Variants in TMEM117 observed in about 807,000 individuals in gnomAD.
TMEM117 encodes the protein transmembrane protein 117.
A neutral mutation model predicts 52.4 loss-of-function variants in TMEM117; 27 were observed. That is an observed-to-expected ratio of 0.51 (90% CI 0.38 to 0.71). TMEM117 has a LOEUF of 0.71. TMEM117 is among the 30% of genes least tolerant of loss of function. The pLI, the probability that TMEM117 is intolerant of heterozygous loss-of-function variation, is 0.00. For missense variants in TMEM117, 556 were observed against 630.5 expected (o/e 0.88, Z 1.26); for synonymous variants, 215 against 206.3 (o/e 1.04, Z -0.36).
At chr12:44,130,659 A>G (rs1948399605) in intron 3 of TMEM117, among the ~76,000 whole-genome samples, 1 of 151,890 alleles carries the variant, frequency 6.6e-6, no homozygotes, top group Non-Finnish European at 1.5e-5. Context: ...CTGGGCCTGG[A>G]TTTTTCTTGT....
intron 6 of TMEM117, among the ~76,000 whole-genome samples, chr12:44,323,416 T>C (rs897676381): frequency 2.6e-5 from 4 of 151,588 alleles, no homozygotes; most frequent in South Asian, 4.1e-4. Context: ...TATTGCTCTT[T>C]TTTTATTATT....
chr12:44,021,946 C>A (rs1946462343), intron 3 of TMEM117, among the ~76,000 whole-genome samples: 1 of 152,160 alleles, frequency 6.6e-6, no homozygotes, highest in African/African-American at 2.4e-5. Context: ...TGGTCAACCC[C>A]CAAATCCTTG....
rs1278393580 is a variant in TMEM117, at chr12:44,073,092, C to CA, written c.411-70422dup. Among the ~76,000 whole-genome samples the CA allele has an allele frequency of 4.9e-3, 672 of 136,378 alleles. 5 individuals carry two copies. The highest frequency in any genetic ancestry group is 0.013 in the South Asian group (54 of 4,160). 89.5% of individuals were successfully genotyped at this position (136,378 alleles called of 152,430 possible). A position where few individuals can be genotyped will look rare whatever the true frequency, so the allele number is the denominator to read the frequency against. On this transcript the variant is annotated intron_variant, in intron 3 of 7. Coordinates refer to ENST00000266534, the MANE Select transcript of TMEM117 (RefSeq NM_032256.3). Reference sequence around the variant, plus strand: ...CGACAGAGCGAGACTGTCCCCTGCCCAAAAAAAAAAACAACAAAAAAACAA... The same window carrying CA: ...CGACAGAGCGAGACTGTCCCCTGCCCAAAAAAAAAAAACAACAAAAAAACAA...
At chr12:43,895,571 G>A (rs1445956237) in intron 2 of TMEM117, among the ~76,000 whole-genome samples, 1 of 152,144 alleles carries the variant, frequency 6.6e-6, no homozygotes, top group African/African-American at 2.4e-5. Context: ...GGAATACAAA[G>A]GTGAATGACA....
At chr12:43,929,313 T>A (rs941547255) in intron 2 of TMEM117, among the ~76,000 whole-genome samples, 2 of 152,200 alleles carry the variant, frequency 1.3e-5, no homozygotes, top group Non-Finnish European at 2.9e-5. Flanking sequence ...ATTTTATTAT[T>A]ACTACTATAC....
At chr12:44,043,204 T>G (rs1450673459) in intron 3 of TMEM117, among the ~76,000 whole-genome samples, 3 of 152,170 alleles carry the variant, frequency 2.0e-5, no homozygotes, top group Admixed American at 6.5e-5. Context: ...GTTTCCTGGC[T>G]TCAGAAGCAG....
intron 3 of TMEM117, among the ~76,000 whole-genome samples, chr12:44,032,472 G>A (rs1339633560): frequency 6.6e-6 from 1 of 152,154 alleles, no homozygotes; most frequent in Non-Finnish European, 1.5e-5. Flanking sequence ...TAAAAATCTG[G>A]ATCAGTATTC....
chr12:44,349,746 A>G (rs1951536674), intron 6 of TMEM117, among the ~76,000 whole-genome samples: 2 of 152,080 alleles, frequency 1.3e-5, no homozygotes, highest in African/African-American at 4.8e-5. Context: ...AAAGTCATTC[A>G]TTCATCATTC....
At position 44,111,828 on chromosome 12, in the gene TMEM117, A is replaced by T. The variant is rs1393578986; in HGVS notation, c.411-31697A>T. 7.1e-3 allele frequency among the ~76,000 whole-genome samples: 944 copies of T among 132,234 alleles called. 23 individuals carry two copies. Among genetic ancestry groups the T allele is most frequent in the African/African-American group, 0.029 (843 of 29,378 alleles). The allele number at this position is 132,234 out of a possible 152,430, so 86.8% of individuals were successfully genotyped here. The stretch of plus-strand genomic sequence containing the variant: ...GGGGTGTTAAAGTCTCCCATTATTA[A>T]TGTGTGGGAGTCTAAGTCTCTTTGT... On this transcript the variant is annotated intron_variant, in intron 3 of 7. Coordinates refer to ENST00000266534, the MANE Select transcript of TMEM117 (RefSeq NM_032256.3).
At chr12:43,809,510 G>C in the TMEM117 span, among the ~76,000 whole-genome samples, 1 of 152,102 alleles carries the variant, frequency 6.6e-6, no homozygotes, top group African/African-American at 2.4e-5. Context: ...TGTATGTTAG[G>C]CTTCATATTT....
intron 4 of TMEM117, among the ~76,000 whole-genome samples, chr12:44,156,893 G>T (rs1438485618): frequency 6.6e-6 from 1 of 152,088 alleles, no homozygotes; most frequent in Non-Finnish European, 1.5e-5. Context: ...TCTAGAACTT[G>T]CTGTGGGATT....
At chr12:44,099,216 T>G (rs1947822430) in intron 3 of TMEM117, among the ~76,000 whole-genome samples, 1 of 152,096 alleles carries the variant, frequency 6.6e-6, no homozygotes, top group Non-Finnish European at 1.5e-5. Context: ...CCTCTGTGCT[T>G]TGCAACCTCA....
chr12:44,227,943 A>G (rs1451951870), intron 5 of TMEM117, among the ~76,000 whole-genome samples: 4 of 148,120 alleles, frequency 2.7e-5, no homozygotes, highest in African/African-American at 7.4e-5. Flanking sequence ...CAGAACTACT[A>G]TTTTTATAGC....
At chr12:44,371,840 T>C (rs1196716760) in intron 6 of TMEM117, among the ~76,000 whole-genome samples, 1 of 152,184 alleles carries the variant, frequency 6.6e-6, no homozygotes, top group Non-Finnish European at 1.5e-5. Context: ...TCATGAATAA[T>C]AGGGATCAGT....
At chr12:44,346,478 T>TTC (rs1258400879) in intron 6 of TMEM117, among the ~76,000 whole-genome samples, 1 of 152,102 alleles carries the variant, frequency 6.6e-6, no homozygotes, top group Non-Finnish European at 1.5e-5. Flanking sequence ...TGAAGAGTCT[T>TTC]TCTCTCTCTC....
intron 2 of TMEM117, among the ~76,000 whole-genome samples, chr12:43,891,433 C>A (rs1027162565): frequency 8.5e-6 from 1 of 117,446 alleles, no homozygotes. Flanking sequence ...AGTGCAGTGG[C>A]GTGATCTCAG....
At chr12:43,924,349 C>T (rs1944743273) in intron 2 of TMEM117, among the ~76,000 whole-genome samples, 1 of 152,048 alleles carries the variant, frequency 6.6e-6, no homozygotes, top group Non-Finnish European at 1.5e-5. Flanking sequence ...AAAATAACTC[C>T]TTTGTCTATT....
chr12:44,098,807 A>G (rs1947816206), intron 3 of TMEM117, among the ~76,000 whole-genome samples: 1 of 152,138 alleles, frequency 6.6e-6, no homozygotes, highest in Admixed American at 6.6e-5. Context: ...GTCTCTCCAA[A>G]TAATATTGAA....
intron 6 of TMEM117, among the ~76,000 whole-genome samples, chr12:44,306,843 C>T (rs1056689623): frequency 6.6e-6 from 1 of 152,116 alleles, no homozygotes; most frequent in African/African-American, 2.4e-5. Context: ...TATGATCTTA[C>T]AGTAATTAAC....
Sources: gnomAD v4.1 joint callset for allele counts (sites outside exome capture counted in the v4.1 genomes callset) on GRCh38, gnomAD v4.1.1 for gene constraint, MANE v1.5 for transcripts, NCBI Gene and HGNC (gene_info 2026-07-23, HGNC 2026-07-21) for gene names.